BCAN: variants seen among roughly 807,000 people sequenced by gnomAD.
BCAN encodes brevican, also known as brevican core protein.
In BCAN, 51 loss-of-function variants were observed where a neutral mutation model predicts 92.4. That is an observed-to-expected ratio of 0.55 (90% CI 0.44 to 0.70). The LOEUF is 0.70. BCAN is among the 30% of genes least tolerant of loss of function. The pLI is 0.00. For missense variants in BCAN, 1,140 were observed against 1,212.1 expected (o/e 0.94, Z 0.88); for synonymous variants, 501 against 505.2 (o/e 0.99, Z 0.11).
intron 8 of BCAN, among the ~76,000 whole-genome samples, chr1:156,653,897 G>A (rs1354717348): frequency 3.9e-5 from 6 of 152,004 alleles, no homozygotes; most frequent in African/African-American, 1.2e-4. Context: ...AAGGGTCATA[G>A]TAACTGAGGG....
rs1374019922 is a variant in BCAN at position 156,642,228 on chromosome 1, G to A, written c.-56G>A. ...GTGCACCCGGAGGAGACCCCCGGAG[G>A]AGGCGACAAACTTCGCAGTGCCGCG... On this transcript the variant is annotated 5_prime_UTR_variant, in exon 1 of 14. Transcript: ENST00000329117. The surrounding 1 kb of genome is among the most constrained non-coding windows in gnomAD (Gnocchi z 4.2). 6.6e-6 allele frequency: 1 copy of A among 152,338 alleles called. No individual in the cohort carries two copies. Among genetic ancestry groups the A allele is most frequent in the African/African-American group, 2.4e-5 (1 of 41,450 alleles). 9.4% of individuals were successfully genotyped at this position (152,338 alleles called of 1,614,324 possible).
Position 156,658,113 on chromosome 1 carries a change from C to T in BCAN, c.2293-14C>T, listed in dbSNP as rs1408301843. ...TGGTGTAGGAGCTCCTCACCACCTC[C>T]TCCGTTCCCCCAGCTCTATGAGAAC... On this transcript the variant is annotated splice_polypyrimidine_tract_variant and intron_variant, in intron 11 of 13. Transcript: ENST00000329117. This position sits in a 1 kb window ranked among gnomAD's most constrained non-coding sequence, Gnocchi z 4.4. 1 of 1,612,322 alleles carries T rather than the reference C, an allele frequency of 6.2e-7. No homozygotes were observed. The highest frequency in any genetic ancestry group is 2.2e-5 in the East Asian group (1 of 44,876).
At chr1:156,657,532 AG>A in intron 10 of BCAN, 142 bp from the exon 11 acceptor site, 1 of 620,882 alleles carries the variant, frequency 1.6e-6, no homozygotes, top group Non-Finnish European at 2.8e-6. Context: ...CCTTGAGCAG[AG>A]GCTGGGGTAG....
chr1:156,655,460 G>C (rs1679295890), intron 8 of BCAN, among the ~76,000 whole-genome samples: 2 of 152,220 alleles, frequency 1.3e-5, no homozygotes, highest in Non-Finnish European at 2.9e-5. Flanking sequence ...AGTTGGGAGA[G>C]GGAGCCTGGT....
Position 156,652,829 on chromosome 1 carries a change from G to C in BCAN, c.1879G>C (p.Ala627Pro). Residue 627 changes from alanine (A) to proline (P), a missense_variant, in exon 8 of 14, where the codon GCC becomes CCC. Coordinates refer to ENST00000329117, the MANE Select transcript of BCAN (RefSeq NM_021948.5). ...TGCCCCAGCAGGGACCTCAGTGCAG[G>C]CCCAGCCAGTGCTGCCCACTGACAG... is the stretch of plus-strand genomic sequence containing the variant. ...RTAPAGTSVQAQPVLPTDSAS... is the reference protein window; with the variant it reads ...RTAPAGTSVQPQPVLPTDSAS... 1 of 1,613,760 alleles carries C rather than the reference G, an allele frequency of 6.2e-7. No individual in the cohort carries two copies. Among genetic ancestry groups the C allele is most frequent in the East Asian group, 2.2e-5 (1 of 44,878 alleles).
At chr1:156,645,699 TTGTACAGGAGTTTTAAGA>T (rs560223435) in intron 1 of BCAN, among the ~76,000 whole-genome samples, 27 of 152,198 alleles carry the variant, frequency 1.8e-4, no homozygotes, top group Admixed American at 9.8e-4. Flanking sequence ...TGCTATGCAT[TTGTACAGGAGTTTTAAGA>T]TACTAAACAC....
At chr1:156,654,446 G>A (rs12118077) in intron 8 of BCAN, among the ~76,000 whole-genome samples, 51,594 of 152,130 alleles carry the variant, frequency 0.34, 9,141 homozygotes, top group South Asian at 0.52. Context: ...TTTCCCCACC[G>A]GGAGGGTAAG....
chr1:156,643,635 C>CACACACAGAG (rs549293956), intron 1 of BCAN: 15 of 103,854 alleles, frequency 1.4e-4, no homozygotes, highest in African/African-American at 5.2e-4. Context: ...CACACACACA[C>CACACACAGAG]AGAGAGAGAG....
In BCAN at chr1:156,646,040, C is replaced by CT. The variant is rs1164688807; in HGVS notation, c.-8-6dup. 6.2e-7 allele frequency: 1 copy of CT among 1,608,414 alleles called. No homozygotes were observed. On this transcript the variant is annotated splice_region_variant and splice_polypyrimidine_tract_variant and intron_variant, in intron 1 of 13. Coordinates refer to ENST00000329117, the MANE Select transcript of BCAN (RefSeq NM_021948.5). ...CCCCATCTTTCCTTCTCATGTCCCT[C>CT]TGTCAGCCTGCAGCATGGCCCAGCT...
rs1679429285 is a variant in BCAN at position 156,658,809 on chromosome 1, C to A, written c.2628+76C>A. The stretch of plus-strand genomic sequence containing the variant: ...GCCTTGGACTCCACTTAAAGTCCTG[C>A]CTGTCACTGGCCATGTGACCTTGGA... On this transcript the variant is annotated intron_variant, in intron 13 of 13. Coordinates refer to ENST00000329117, the MANE Select transcript of BCAN (RefSeq NM_021948.5). The surrounding 1 kb of genome is among the most constrained non-coding windows in gnomAD (Gnocchi z 4.4). 3.2e-6 allele frequency: 5 copies of A among 1,577,056 alleles called. No homozygotes were observed. The Admixed American group carries it at 6.8e-5, about 21-fold the overall frequency.
Position 156,648,858 on chromosome 1 carries a change from C to T in BCAN, c.1060C>T (p.Arg354Ter), listed in dbSNP as rs749412358. 11 of 1,556,300 alleles carry T rather than the reference C, an allele frequency of 7.1e-6. No homozygotes were observed. The highest frequency in any genetic ancestry group is 4.5e-5 in the East Asian group (2 of 43,990). The change falls in exon 6 of 14, where the codon CGA (arginine) becomes TGA (stop). Residue 354 changes from arginine to a stop codon, truncating the protein, a stop_gained. Transcript: ENST00000329117. LOFTEE classifies it high-confidence loss of function. ...CAGCCGCTTCAACGTCTACTGCTTC[C>T]GAGGTGAGCCCACCTCCCTGCAGAA... Reference protein sequence around the residue: ...KHSRFNVYCFRDSAQPSAIPE... With the variant: ...KHSRFNVYCF
chr1:156,650,240 GA>G (rs1679117314), intron 6 of BCAN, among the ~76,000 whole-genome samples: 1 of 152,094 alleles, frequency 6.6e-6, no homozygotes, highest in Non-Finnish European at 1.5e-5. Flanking sequence ...AAATGGCCTG[GA>G]TCATGAGGAG....
Position 156,657,749 on chromosome 1 carries a change from G to T in BCAN, c.2284G>T (p.Val762Phe). 1.9e-6 allele frequency: 3 copies of T among 1,611,316 alleles called. No homozygotes were observed. The highest frequency in any genetic ancestry group is 2.5e-6 in the Non-Finnish European group (3 of 1,178,980). ...AGGCGACTTCTTGTGGTCGGATGGC[G>T]TCCCCCTGGTGAGAGGCCCCAGTCG... ...IEGDFLWSDGVPLLYENWNPG... is the reference protein window; with the variant it reads ...IEGDFLWSDGFPLLYENWNPG... The change falls in exon 11 of 14, where the codon GTC becomes TTC. Residue 762 changes from valine to phenylalanine, a missense_variant. Around this residue, in one of 3 missense-constraint regions of BCAN, gnomAD observed 825 missense variants for 871.8 expected, o/e 0.95. Coordinates refer to ENST00000329117, the MANE Select transcript of BCAN (RefSeq NM_021948.5).
At chr1:156,651,423 C>G in intron 6 of BCAN, 33 bp from the exon 7 acceptor site, 1 of 1,570,202 alleles carries the variant, frequency 6.4e-7, no homozygotes, top group Non-Finnish European at 8.7e-7. Flanking sequence ...GCTACCTATT[C>G]AGGCTCGCAT....
chr1:156,657,254 C>T lies in BCAN; in HGVS notation c.2209+158C>T, dbSNP rs540359964. 919 of 995,450 alleles carry T rather than the reference C, an allele frequency of 9.2e-4. 3 individuals are homozygous for T. The highest frequency in any genetic ancestry group is 7.2e-3 in the Middle Eastern group (31 of 4,280). The allele number at this position is 995,450 out of a possible 1,614,324, so 61.7% of individuals were successfully genotyped here. On this transcript the variant is annotated intron_variant, in intron 10 of 13. Coordinates refer to ENST00000329117, the MANE Select transcript of BCAN (RefSeq NM_021948.5). Reference sequence around the variant, plus strand: ...GTTCACTCCCCTTCTCATTCTCTCTCCCTTCCCACCCTACGCTTAGGCAGT... The same window carrying T: ...GTTCACTCCCCTTCTCATTCTCTCTTCCTTCCCACCCTACGCTTAGGCAGT...
intron 6 of BCAN, among the ~76,000 whole-genome samples, chr1:156,649,103 C>T (rs1679078996): frequency 6.6e-6 from 1 of 152,202 alleles, no homozygotes; most frequent in African/African-American, 2.4e-5. Flanking sequence ...TGCCTTCCCA[C>T]CAGTAGTCCA....
At position 156,646,862 on chromosome 1, in the gene BCAN, C is replaced by T; in HGVS notation, c.153C>T (p.Gly51=). 6.2e-7 allele frequency: 1 copy of T among 1,607,544 alleles called. No individual in the cohort carries two copies. The highest frequency in any genetic ancestry group is 8.5e-7 in the Non-Finnish European group (1 of 1,177,032). ...GDAPLQGVLG[G]ALTIPCHVHY... ...CGCCACTGCAGGGCGTGCTCGGCGGCGCCCTCACCATCCCTTGCCACGTCC... is the reference window on the plus strand; with the variant it reads ...CGCCACTGCAGGGCGTGCTCGGCGGTGCCCTCACCATCCCTTGCCACGTCC... Residue 51 remains glycine, a synonymous_variant, in exon 3 of 14, where the codon GGC becomes GGT. Transcript: ENST00000329117.
At chr1:156,653,812 T>G (rs1298768570) in intron 8 of BCAN, among the ~76,000 whole-genome samples, 1 of 152,148 alleles carries the variant, frequency 6.6e-6, no homozygotes, top group Non-Finnish European at 1.5e-5. Context: ...TCACTCCTGA[T>G]GAGGAGAAAC....
chr1:156,647,452 G>C lies in BCAN; in HGVS notation c.467-56G>C. 6.8e-7 allele frequency: 1 copy of C among 1,480,852 alleles called. No individual in the cohort carries two copies. The highest frequency in any genetic ancestry group is 1.4e-5 in the African/African-American group (1 of 71,024). The allele number at this position is 1,480,852 out of a possible 1,614,324, so 91.7% of individuals were successfully genotyped here. A position where few individuals can be genotyped will look rare whatever the true frequency, so the allele number is the denominator to read the frequency against. On this transcript the variant is annotated intron_variant, in intron 3 of 13. Transcript: ENST00000329117. The surrounding 1 kb of genome is among the most constrained non-coding windows in gnomAD (Gnocchi z 4.8). ...TACAGAGGAGTGACAAGGAGGGTGAGGGGAGGCCAGCGTGCTGGGTGCTCA... is the reference window on the plus strand; with the variant it reads ...TACAGAGGAGTGACAAGGAGGGTGACGGGAGGCCAGCGTGCTGGGTGCTCA...
Sources: allele counts gnomAD v4.1 joint callset (sites outside exome capture counted in the v4.1 genomes callset), GRCh38; gene constraint gnomAD v4.1.1; regional missense constraint gnomAD v4.1.1; non-coding constraint Gnocchi (gnomAD v3.1); transcripts MANE v1.5; gene names NCBI Gene and HGNC (gene_info 2026-07-23, HGNC 2026-07-21).